The following BNC2 variants were observed in gnomAD, a reference collection of about 807,000 sequenced individuals.
BNC2 encodes the protein basonuclin zinc finger protein 2, also known as zinc finger protein basonuclin-2.
A neutral mutation model predicts 76.3 loss-of-function variants in BNC2; 20 were observed. The observed-to-expected ratio is 0.26, with a 90% CI of 0.18 to 0.38. BNC2 has a LOEUF of 0.38. Ranked by LOEUF, BNC2 falls within the 10% of genes least tolerant of loss-of-function variation. The pLI, the probability that BNC2 is intolerant of heterozygous loss-of-function variation, is 1.00. For missense variants in BNC2, 1,382 were observed against 1,399.8 expected, an observed-to-expected ratio of 0.99 and a Z score of 0.20; for synonymous variants, 582 against 514.8, an observed-to-expected ratio of 1.13 and a Z score of -1.77.
intron 3 of BNC2, among the ~76,000 whole-genome samples, chr9:16,615,040 C>G (rs1156955961): frequency 7.0e-6 from 1 of 142,474 alleles, no homozygotes; most frequent in African/African-American, 2.7e-5. Context: ...CATACAAGAA[C>G]AGTCTGCAGA....
Position 16,436,226 on chromosome 9 carries a change from T to G in BNC2, c.1968A>C (p.Glu656Asp). The G allele has an allele frequency of 6.2e-7, 1 of 1,614,164 alleles. No individual in the cohort carries two copies. Among genetic ancestry groups the G allele is most frequent in the Non-Finnish European group, 8.5e-7 (1 of 1,180,036 alleles). Reference protein sequence around the residue: ...IIDTADEFDDEDDDPNDGGAV... With the variant: ...IIDTADEFDDDDDDPNDGGAV... ...CTCCACCATCATTGGGGTCATCATC[T>G]TCATCATCAAACTCATCGGCGGTAT... The change falls in exon 6 of 7, where the codon GAA becomes GAC. Residue 656 changes from glutamate to aspartate, a missense_variant. Coordinates refer to ENST00000380672, the MANE Select transcript of BNC2 (RefSeq NM_017637.6).
chr9:16,577,424 T>C (rs1172487025), intron 4 of BNC2, among the ~76,000 whole-genome samples: 1 of 152,120 alleles, frequency 6.6e-6, no homozygotes, highest in Non-Finnish European at 1.5e-5. Flanking sequence ...TTACAGTACA[T>C]TAAACCATAA....
chr9:16,412,725 GAGAGAGAGAGAGA>G lies in BNC2; in HGVS notation c.*6251_*6263del, dbSNP rs2118916645. On this transcript the variant is annotated 3_prime_UTR_variant, in exon 7 of 7. Coordinates refer to ENST00000380672, the MANE Select transcript of BNC2 (RefSeq NM_017637.6). ...GAGGGAAGGAGAGAGAGAGGGGAGA[GAGAGAGAGAGAGA>G]GAGAGAGAGAGAGAGAGAGAGAGAG... 2 of 21,372 alleles carry G rather than the reference GAGAGAGAGAGAGA, an allele frequency of 9.4e-5. No homozygotes were observed. Among genetic ancestry groups the G allele is most frequent in the African/African-American group, 1.6e-3 (2 of 1,276 alleles). 1.3% of individuals were successfully genotyped at this position (21,372 alleles called of 1,614,324 possible).
Position 16,442,169 on chromosome 9 carries a change from C to T in BNC2, c.670-4645G>A, listed in dbSNP as rs112210902. ...AAGATTTACCCTGTTAAGTTAAATG[C>T]GAGTTATTATCATAAGTGTTGATTT... On this transcript the variant is annotated intron_variant, in intron 5 of 6. Transcript: ENST00000380672. 5.6e-3 allele frequency among the ~76,000 whole-genome samples: 853 copies of T among 152,166 alleles called. 9 individuals carry two copies. The highest frequency in any genetic ancestry group is 7.9e-3 in the Non-Finnish European group (534 of 68,012).
intron 6 of BNC2, 88 bp downstream of exon 6, chr9:16,435,467 G>A: frequency 6.8e-7 from 1 of 1,481,150 alleles, no homozygotes. Context: ...AAACATCTAA[G>A]TTGGATTTCT....
intron 3 of BNC2, among the ~76,000 whole-genome samples, chr9:16,624,874 C>A (rs939288599): frequency 6.6e-6 from 1 of 152,152 alleles, no homozygotes; most frequent in African/African-American, 2.4e-5. Flanking sequence ...TCAAGGCCAG[C>A]AAGCACTTCC....
chr9:16,511,105 C>T lies in BNC2; in HGVS notation c.669+41425G>A, dbSNP rs549870374. On this transcript the variant is annotated intron_variant, in intron 5 of 6. Transcript: ENST00000380672. The stretch of plus-strand genomic sequence containing the variant: ...AAGCTAATGGAGATCACTAAACTTA[C>T]TTTTTTTTTTTTTTTTTTTTTAAGA... Among the ~76,000 whole-genome samples, 22 of 125,216 alleles carry T rather than the reference C, an allele frequency of 1.8e-4. No homozygotes were observed. The South Asian group carries it at 4.9e-3, about 28-fold the overall frequency. 82.1% of individuals were successfully genotyped at this position (125,216 alleles called of 152,430 possible). A position where few individuals can be genotyped will look rare whatever the true frequency, so the allele number is the denominator to read the frequency against.
In BNC2 at chr9:16,627,853, C is replaced by T. The variant is rs544525189; in HGVS notation, c.331-44768G>A. 3.9e-5 allele frequency among the ~76,000 whole-genome samples: 6 copies of T among 152,156 alleles called. No homozygotes were observed. The South Asian group carries it at 1.2e-3, about 32-fold the overall frequency. On this transcript the variant is annotated intron_variant, in intron 3 of 6. Coordinates refer to ENST00000380672, the MANE Select transcript of BNC2 (RefSeq NM_017637.6). ...GGTTTAAACGGATCATAATACTTTGCAGAAAGTAAAAAGAGAAAAAGAGCT... is the reference window on the plus strand; with the variant it reads ...GGTTTAAACGGATCATAATACTTTGTAGAAAGTAAAAAGAGAAAAAGAGCT...
At chr9:16,669,692 C>G (rs895628920) in intron 3 of BNC2, among the ~76,000 whole-genome samples, 1 of 152,284 alleles carries the variant, frequency 6.6e-6, no homozygotes, top group East Asian at 1.9e-4. Context: ...TCTACCTGCA[C>G]AAATAGAGAA....
intron 5 of BNC2, among the ~76,000 whole-genome samples, chr9:16,439,546 A>C (rs1248969586): frequency 6.6e-6 from 1 of 152,170 alleles, no homozygotes; most frequent in South Asian, 2.1e-4. Flanking sequence ...TGCTTTATGT[A>C]GGATGTTACA....
intron 3 of BNC2, among the ~76,000 whole-genome samples, chr9:16,603,307 T>C (rs888997700): frequency 1.1e-4 from 17 of 152,314 alleles, no homozygotes; most frequent in Non-Finnish European, 2.4e-4. Flanking sequence ...CAGTGTCAGG[T>C]AGAATGCTAA....
intron 6 of BNC2, chr9:16,430,000 C>T (rs1820875487): frequency 2.0e-6 from 1 of 512,316 alleles, no homozygotes; most frequent in South Asian, 1.4e-5. Context: ...CTCCCAGTAT[C>T]TAAAAAGAAC....
chr9:16,508,497 C>G (rs1005822223), intron 5 of BNC2, among the ~76,000 whole-genome samples: 1 of 152,192 alleles, frequency 6.6e-6, no homozygotes, highest in African/African-American at 2.4e-5. Flanking sequence ...AAGCCACTAT[C>G]CATTCTGTTG....
At chr9:16,686,504 C>A (rs1198121191) in intron 3 of BNC2, among the ~76,000 whole-genome samples, 2 of 152,176 alleles carry the variant, frequency 1.3e-5, no homozygotes, top group African/African-American at 4.8e-5. Context: ...TCACACTAAT[C>A]ATATATCTGT....
chr9:16,604,688 C>G (rs541148101), intron 3 of BNC2, among the ~76,000 whole-genome samples: 1 of 151,992 alleles, frequency 6.6e-6, no homozygotes, highest in South Asian at 2.1e-4. Flanking sequence ...GCCCGTAATC[C>G]CAGCTACTTG....
chr9:16,823,820 A>G (rs1271110325), intron 1 of BNC2, among the ~76,000 whole-genome samples: 2 of 152,148 alleles, frequency 1.3e-5, no homozygotes, highest in African/African-American at 4.8e-5. Flanking sequence ...CTGCCCAATA[A>G]AAACATTCAC....
At chr9:16,800,322 A>G (rs1817750460) in intron 1 of BNC2, among the ~76,000 whole-genome samples, 1 of 152,110 alleles carries the variant, frequency 6.6e-6, no homozygotes. Flanking sequence ...TTACACTTCT[A>G]GAAGAAACGA....
intron 3 of BNC2, among the ~76,000 whole-genome samples, chr9:16,629,843 G>C (rs1389749598): frequency 6.6e-6 from 1 of 152,198 alleles, no homozygotes; most frequent in Admixed American, 6.5e-5. Context: ...CTGGCAGAGG[G>C]TCTTGCCTAG....
At chr9:16,709,733 C>A (rs56757209) in intron 3 of BNC2, among the ~76,000 whole-genome samples, 12,845 of 152,090 alleles carry the variant, frequency 0.084, 975 homozygotes, top group East Asian at 0.39. Flanking sequence ...GGAAAGACTA[C>A]GTTAGTAAGT....
Sources: gnomAD v4.1 joint callset for allele counts (sites outside exome capture counted in the v4.1 genomes callset) on GRCh38, gnomAD v4.1.1 for gene constraint, MANE v1.5 for transcripts, NCBI Gene and HGNC (gene_info 2026-07-23, HGNC 2026-07-21) for gene names.